The following STIM2 variants were observed in gnomAD, a reference collection of about 807,000 sequenced individuals.
STIM2 encodes the protein stromal interaction molecule 2.
Under a neutral mutation model 85.8 loss-of-function variants are expected in STIM2, and 31 were observed. The observed-to-expected ratio is 0.36, with a 90% CI of 0.27 to 0.49. STIM2 has a LOEUF of 0.49. STIM2 is among the 20% of genes least tolerant of loss of function. STIM2 has a pLI of 0.98. For synonymous variants in STIM2, 356 were observed against 331.1 expected (o/e 1.08, Z -0.82); for missense variants, 841 against 927.6 (o/e 0.91, Z 1.21).
intron 7 of STIM2, among the ~76,000 whole-genome samples, chr4:27,006,466 A>C (rs556246586): frequency 7.9e-5 from 12 of 152,342 alleles, no homozygotes; most frequent in Middle Eastern, 3.4e-3. Flanking sequence ...CTCGACACGC[A>C]GGATGCTCCG....
chr4:26,998,303 T>A (rs16878680), intron 4 of STIM2, among the ~76,000 whole-genome samples: 8,323 of 152,262 alleles, frequency 0.055, 267 homozygotes, highest in South Asian at 0.076. Context: ...GCCTCCTACG[T>A]GCTTTCTTCA....
intron 1 of STIM2, among the ~76,000 whole-genome samples, chr4:26,909,078 C>T (rs35008829): frequency 0.19 from 29,576 of 152,032 alleles, 3,786 homozygotes; most frequent in Middle Eastern, 0.31. Context: ...GACCTTGTCT[C>T]TTAGGAAAAT....
intron 1 of STIM2, among the ~76,000 whole-genome samples, chr4:26,873,401 A>T (rs901963619): frequency 5.0e-5 from 7 of 138,908 alleles, no homozygotes; most frequent in African/African-American, 1.6e-4. Flanking sequence ...CTCCGTCTTT[A>T]AAAAAAAAAA....
intron 2 of STIM2, among the ~76,000 whole-genome samples, chr4:26,930,061 T>C (rs1260898463): frequency 6.6e-6 from 1 of 152,132 alleles, no homozygotes; most frequent in East Asian, 1.9e-4. Context: ...GATATAAAGC[T>C]TTTGCTGTCT....
chr4:26,906,642 T>G (rs921668765), intron 1 of STIM2, among the ~76,000 whole-genome samples: 1 of 152,160 alleles, frequency 6.6e-6, no homozygotes, highest in African/African-American at 2.4e-5. Context: ...GTGGACCACA[T>G]GAGAATATCT....
rs143367720 is a variant in STIM2 at position 27,022,989 on chromosome 4, C to G, written c.2234C>G (p.Ser745Cys). The change falls in exon 12 of 12, where the codon TCT becomes TGT. Residue 745 changes from serine to cysteine, a missense_variant. Ser to Cys is a moderately radical substitution (Grantham distance 112). Coordinates refer to ENST00000467087, the MANE Select transcript of STIM2 (RefSeq NM_020860.4). ...ATCAAAAGCCTTTTTAAGAAGAAAT[C>G]TAAGTGAACTGGCTGACTTGATGGA... 3.1e-5 allele frequency: 50 copies of G among 1,610,132 alleles called. No homozygotes were observed. In the Middle Eastern group the frequency reaches 6.6e-4, roughly 21 times the overall value.
intron 1 of STIM2, among the ~76,000 whole-genome samples, chr4:26,898,660 G>T (rs1026944923): frequency 6.6e-6 from 1 of 152,082 alleles, no homozygotes; most frequent in Non-Finnish European, 1.5e-5. Context: ...CAGGAGAAAT[G>T]CTCATTTTTT....
At chr4:26,964,320 A>G (rs2068134) in intron 3 of STIM2, among the ~76,000 whole-genome samples, 2,954 of 152,272 alleles carry the variant, frequency 0.019, 105 homozygotes, top group African/African-American at 0.068. Flanking sequence ...GCAATTATCT[A>G]TTAGCAATAT....
chr4:27,017,181 T>A (rs116666550), intron 10 of STIM2, among the ~76,000 whole-genome samples: 2,695 of 152,324 alleles, frequency 0.018, 43 homozygotes, highest in Non-Finnish European at 0.026. Flanking sequence ...TTCTGTTTAG[T>A]TCCACAGTAG....
chr4:26,934,837 C>T (rs371673830), intron 2 of STIM2, among the ~76,000 whole-genome samples: 13 of 145,872 alleles, frequency 8.9e-5, no homozygotes, highest in African/African-American at 3.3e-4. Context: ...CACTTGAACC[C>T]GGGAGGTGGA....
At chr4:26,969,855 T>A (rs1726865209) in intron 3 of STIM2, among the ~76,000 whole-genome samples, 1 of 152,124 alleles carries the variant, frequency 6.6e-6, no homozygotes, top group South Asian at 2.1e-4. Context: ...TATGGGAGGC[T>A]GAATTTATGA....
intron 11 of STIM2, among the ~76,000 whole-genome samples, chr4:27,020,595 A>G (rs1385975633): frequency 1.3e-5 from 2 of 152,216 alleles, no homozygotes; most frequent in Admixed American, 6.5e-5. Context: ...AGTAAAGTAC[A>G]TAGAAATGAC....
Position 26,930,294 on chromosome 4 carries a change from C to T in STIM2, c.282+10660C>T, listed in dbSNP as rs372619709. Among the ~76,000 whole-genome samples, 6 of 152,106 alleles carry T rather than the reference C, an allele frequency of 3.9e-5. No homozygotes were observed. The East Asian group carries it at 1.2e-3, about 29-fold the overall frequency. The stretch of plus-strand genomic sequence containing the variant: ...AGCAGTGGAGTTCACATTGTTATTG[C>T]TCATTTTGTGACTGAAAAGTTTTAT... On this transcript the variant is annotated intron_variant, in intron 2 of 11. Transcript: ENST00000467087.
At chr4:26,984,795 C>G (rs916929926) in intron 3 of STIM2, among the ~76,000 whole-genome samples, 1 of 152,126 alleles carries the variant, frequency 6.6e-6, no homozygotes, top group African/African-American at 2.4e-5. Flanking sequence ...TAAAGCCTTC[C>G]CTCAGTGTCC....
At chr4:26,880,868 A>T (rs1165461681) in intron 1 of STIM2, among the ~76,000 whole-genome samples, 1 of 151,578 alleles carries the variant, frequency 6.6e-6, no homozygotes, top group Admixed American at 6.6e-5. Flanking sequence ...TTTTTATTTT[A>T]TTCTTCTCTT....
chr4:27,003,873 G>A (rs1415751219), intron 7 of STIM2, among the ~76,000 whole-genome samples: 1 of 152,124 alleles, frequency 6.6e-6, no homozygotes, highest in Non-Finnish European at 1.5e-5. Context: ...CCCTTCGTCT[G>A]TCTTGAAAGC....
At chr4:26,865,306 C>T (rs1439071305) in intron 1 of STIM2, among the ~76,000 whole-genome samples, 2 of 152,138 alleles carry the variant, frequency 1.3e-5, no homozygotes, top group African/African-American at 2.4e-5. Flanking sequence ...GGAAACATTG[C>T]ATCCCTTGGT....
chr4:26,943,721 T>A (rs1451194215), intron 2 of STIM2, among the ~76,000 whole-genome samples: 1 of 152,208 alleles, frequency 6.6e-6, no homozygotes, highest in Non-Finnish European at 1.5e-5. Context: ...AGAAATATTT[T>A]GTTGTTACTT....
At chr4:26,934,316 T>C (rs577104923) in intron 2 of STIM2, among the ~76,000 whole-genome samples, 1 of 152,240 alleles carries the variant, frequency 6.6e-6, no homozygotes, top group Non-Finnish European at 1.5e-5. Flanking sequence ...CCTTTTTGGG[T>C]GTCGGCAACC....
Sources: allele counts gnomAD v4.1 joint callset (sites outside exome capture counted in the v4.1 genomes callset), GRCh38; gene constraint gnomAD v4.1.1; transcripts MANE v1.5; gene names NCBI Gene and HGNC (gene_info 2026-07-23, HGNC 2026-07-21).